The following LARS2 variants were observed in gnomAD, a reference collection of about 807,000 sequenced individuals.
LARS2 encodes leucyl-tRNA synthetase 2, mitochondrial, also known as leucine--tRNA ligase, mitochondrial.
LARS2 carries 81 observed loss-of-function variants against 116.6 expected under a neutral mutation model. The ratio of observed to expected loss-of-function variants is 0.69; its 90% CI spans 0.58 to 0.84. LARS2 has a LOEUF of 0.84. Among genes scored for constraint, LARS2 ranks in the 40% least tolerant of loss-of-function variants. The probability of loss-of-function intolerance (pLI) is 0.00; values close to 1 mark genes in which losing one functional copy is unlikely to be tolerated. For missense variants in LARS2, 968 were observed against 1,114.5 expected (o/e 0.87, Z 1.87); for synonymous variants, 396 against 407.2 (o/e 0.97, Z 0.33).
At chr3:45,520,166 G>T (rs1194780342) in intron 18 of LARS2, 53 bp from the exon 19 acceptor site, 81 of 1,282,830 alleles carry the variant, frequency 6.3e-5, no homozygotes, top group Non-Finnish European at 6.9e-5. Flanking sequence ...GTCTTTTTGT[G>T]GAAAGCTTAA....
chr3:45,438,843 A>G (rs1698851234), intron 6 of LARS2, among the ~76,000 whole-genome samples: 1 of 152,120 alleles, frequency 6.6e-6, no homozygotes, highest in Admixed American at 6.5e-5. Flanking sequence ...TCAAAAAAAC[A>G]AAACAAAACA....
intron 4 of LARS2, among the ~76,000 whole-genome samples, chr3:45,412,735 C>A (rs1559460140): frequency 6.6e-6 from 1 of 152,204 alleles, no homozygotes; most frequent in Admixed American, 6.5e-5. Flanking sequence ...GGCAAGCCAG[C>A]CTCCCCTGGG....
intron 16 of LARS2, 63 bp from the exon 17 acceptor site, chr3:45,516,031 C>G (rs537442969): frequency 7.5e-7 from 1 of 1,334,264 alleles, no homozygotes. Flanking sequence ...CTTATTGATG[C>G]TATTTCTATA....
intron 17 of LARS2, among the ~76,000 whole-genome samples, chr3:45,516,963 GTGT>G (rs775411947): frequency 6.6e-6 from 1 of 152,250 alleles, no homozygotes; most frequent in Non-Finnish European, 1.5e-5. Context: ...TCAGCCCTAA[GTGT>G]TGTTGTGGGA....
At chr3:45,439,455 G>A (rs374057651) in intron 6 of LARS2, among the ~76,000 whole-genome samples, 5 of 151,870 alleles carry the variant, frequency 3.3e-5, no homozygotes, top group South Asian at 2.1e-4. Flanking sequence ...TCCTTACCTC[G>A]TGATCCGCCC....
At chr3:45,416,141 A>T (rs1698417701) in intron 4 of LARS2, among the ~76,000 whole-genome samples, 1 of 151,414 alleles carries the variant, frequency 6.6e-6, no homozygotes, top group Non-Finnish European at 1.5e-5. Context: ...GTACTTCAGT[A>T]GTTGGGCATG....
intron 10 of LARS2, among the ~76,000 whole-genome samples, chr3:45,477,753 G>A (rs1307869800): frequency 6.6e-6 from 1 of 152,018 alleles, no homozygotes; most frequent in East Asian, 1.9e-4. Context: ...GAATTATTGG[G>A]GTCTGAAATA....
intron 10 of LARS2, 54 bp from the exon 11 acceptor site, chr3:45,485,638 T>TG (rs772610083): frequency 1.4e-5 from 13 of 917,388 alleles, no homozygotes; most frequent in Non-Finnish European, 2.0e-5. Flanking sequence ...GAGATTCAGA[T>TG]GGTGTTGGTG....
chr3:45,437,880 C>A (rs1698833007), intron 6 of LARS2, among the ~76,000 whole-genome samples: 1 of 151,948 alleles, frequency 6.6e-6, no homozygotes, highest in Non-Finnish European at 1.5e-5. Context: ...GGAGACCTTA[C>A]CATTTACAGT....
chr3:45,399,177 C>T (rs1698100594), intron 3 of LARS2, among the ~76,000 whole-genome samples: 1 of 152,194 alleles, frequency 6.6e-6, no homozygotes, highest in Non-Finnish European at 1.5e-5. Flanking sequence ...AAAGGATCTT[C>T]TCATTACCTT....
chr3:45,390,641 A>T (rs1043804044), intron 1 of LARS2, among the ~76,000 whole-genome samples: 1 of 130,640 alleles, frequency 7.7e-6, no homozygotes, highest in African/African-American at 2.9e-5. Flanking sequence ...TTTATTATTT[A>T]TTTATTTATT....
At chr3:45,407,832 T>C (rs1259794002) in intron 4 of LARS2, among the ~76,000 whole-genome samples, 1 of 152,186 alleles carries the variant, frequency 6.6e-6, no homozygotes, top group Non-Finnish European at 1.5e-5. Flanking sequence ...TGCTTCCCTC[T>C]CTACTGGGAA....
chr3:45,494,483 C>T (rs116331710), intron 13 of LARS2, among the ~76,000 whole-genome samples: 7,988 of 152,248 alleles, frequency 0.052, 310 homozygotes, highest in Middle Eastern at 0.099. Flanking sequence ...TTACACTGCC[C>T]AAAGCGCAAT....
chr3:45,480,876 ATTAC>A (rs1699687476), intron 10 of LARS2, among the ~76,000 whole-genome samples: 1 of 152,178 alleles, frequency 6.6e-6, no homozygotes, highest in African/African-American at 2.4e-5. Flanking sequence ...ATTTTTTTAT[ATTAC>A]TTTCTTTTGT....
At chr3:45,403,166 C>CTAAAGA (rs911349076) in intron 4 of LARS2, among the ~76,000 whole-genome samples, 4 of 150,440 alleles carry the variant, frequency 2.7e-5, no homozygotes, top group Non-Finnish European at 5.9e-5. Context: ...GGCTCTTTGC[C>CTAAAGA]TAAAGATAAA....
intron 6 of LARS2, among the ~76,000 whole-genome samples, chr3:45,436,754 A>T (rs1431863802): frequency 6.8e-6 from 1 of 147,176 alleles, no homozygotes. Flanking sequence ...AGATTGCGCC[A>T]CTGCAGTCCG....
chr3:45,412,554 C>T (rs559680523), intron 4 of LARS2, among the ~76,000 whole-genome samples: 9 of 152,260 alleles, frequency 5.9e-5, no homozygotes, highest in South Asian at 2.1e-4. Context: ...GCTTGTATTA[C>T]GTTTGTAATT....
chr3:45,450,811 G>T (rs1219733747), intron 7 of LARS2, among the ~76,000 whole-genome samples: 1 of 152,150 alleles, frequency 6.6e-6, no homozygotes, highest in Non-Finnish European at 1.5e-5. Context: ...TTTTCACACA[G>T]TGTATGAGGG....
chr3:45,515,749 G>T (rs1700361108), intron 16 of LARS2, among the ~76,000 whole-genome samples: 1 of 152,190 alleles, frequency 6.6e-6, no homozygotes. Context: ...ATGGCAACGT[G>T]TGCGAGTTTT....
Sources: allele counts gnomAD v4.1 joint callset (sites outside exome capture counted in the v4.1 genomes callset), GRCh38; gene constraint gnomAD v4.1.1; transcripts MANE v1.5; gene names NCBI Gene and HGNC (gene_info 2026-07-23, HGNC 2026-07-21).